UHRF2: variants seen among roughly 807,000 people sequenced by gnomAD.
UHRF2 encodes E3 ubiquitin-protein ligase UHRF2.
A neutral mutation model predicts 96.8 loss-of-function variants in UHRF2; 23 were observed. The ratio of observed to expected loss-of-function variants is 0.24; its 90% CI spans 0.17 to 0.34. UHRF2 has a LOEUF of 0.34. Ranked by LOEUF, UHRF2 falls within the 10% of genes least tolerant of loss-of-function variation. The probability of loss-of-function intolerance (pLI) is 1.00; values close to 1 mark genes in which losing one functional copy is unlikely to be tolerated. For missense variants in UHRF2, 685 were observed against 981.5 expected (o/e 0.70, Z 4.04); for synonymous variants, 385 against 332.6 (o/e 1.16, Z -1.72).
At chr9:6,421,198 G>A (rs774490814) in intron 2 of UHRF2, 56 bp downstream of exon 2, 51 of 1,321,876 alleles carry the variant, frequency 3.9e-5, no homozygotes, top group African/African-American at 7.4e-5. Context: ...TTTATTTTCT[G>A]TTCAGGATGT....
chr9:6,495,491 G>GCC (rs767390545), intron 10 of UHRF2: 1 of 152,200 alleles, frequency 6.6e-6, no homozygotes, highest in Non-Finnish European at 1.5e-5. Flanking sequence ...TATACTCTTT[G>GCC]CCCAGTAGTG....
intron 1 of UHRF2, among the ~76,000 whole-genome samples, chr9:6,417,010 T>A (rs1819646805): frequency 6.6e-6 from 1 of 152,058 alleles, no homozygotes; most frequent in African/African-American, 2.4e-5. Flanking sequence ...ACTTGCCTAT[T>A]TAAAGGAATA....
intron 2 of UHRF2, chr9:6,422,616 T>C: frequency 1.6e-6 from 1 of 630,802 alleles, no homozygotes; most frequent in Non-Finnish European, 2.9e-6. Context: ...AACTTAGATC[T>C]TTTCTTTTTT....
chr9:6,453,250 G>A (rs1821975698), intron 3 of UHRF2, among the ~76,000 whole-genome samples: 1 of 152,110 alleles, frequency 6.6e-6, no homozygotes, highest in Admixed American at 6.6e-5. Flanking sequence ...ACTTTGTTGA[G>A]GTTCTCTACT....
chr9:6,442,593 C>T (rs1821239664), intron 3 of UHRF2, among the ~76,000 whole-genome samples: 1 of 152,082 alleles, frequency 6.6e-6, no homozygotes, highest in African/African-American at 2.4e-5. Flanking sequence ...ATCCTCCTGC[C>T]TCCGCCTCTC....
intron 3 of UHRF2, among the ~76,000 whole-genome samples, chr9:6,457,912 G>A (rs577749707): frequency 3.9e-5 from 6 of 152,258 alleles, no homozygotes; most frequent in South Asian, 4.1e-4. Context: ...CGGTTTGCCC[G>A]TATTTTATTG....
intron 3 of UHRF2, among the ~76,000 whole-genome samples, chr9:6,450,027 A>G (rs920222538): frequency 5.9e-5 from 9 of 152,178 alleles, no homozygotes; most frequent in African/African-American, 1.9e-4. Context: ...TAACTCAGCC[A>G]TGGGTATAGC....
intron 3 of UHRF2, among the ~76,000 whole-genome samples, chr9:6,451,706 C>T (rs533500842): frequency 1.3e-5 from 2 of 152,166 alleles, no homozygotes; most frequent in African/African-American, 4.8e-5. Context: ...CTCCTGACCT[C>T]GTGATCCGCC....
chr9:6,478,902 T>G (rs1197973507), intron 6 of UHRF2, among the ~76,000 whole-genome samples: 2 of 152,210 alleles, frequency 1.3e-5, no homozygotes, highest in African/African-American at 4.8e-5. Context: ...CTAATAACTA[T>G]TTCCTCTGAC....
intron 4 of UHRF2, 131 bp downstream of exon 4, chr9:6,460,922 A>G (rs2130847788): frequency 1.5e-6 from 1 of 661,354 alleles, no homozygotes; most frequent in Non-Finnish European, 2.3e-6. Context: ...ATACTGAAGG[A>G]GAATATTTTT....
At chr9:6,461,523 A>T (rs1230894867) in intron 4 of UHRF2, among the ~76,000 whole-genome samples, 2 of 151,048 alleles carry the variant, frequency 1.3e-5, no homozygotes, top group African/African-American at 4.9e-5. Context: ...CAGGCGTATG[A>T]CACCACGCCC....
chr9:6,502,379 C>CT (rs1816340111), intron 14 of UHRF2, among the ~76,000 whole-genome samples: 1 of 152,166 alleles, frequency 6.6e-6, no homozygotes, highest in Non-Finnish European at 1.5e-5. Context: ...CTTTCATATC[C>CT]TTTAAGTCTG....
intron 7 of UHRF2, 96 bp downstream of exon 7, chr9:6,481,862 T>A: frequency 6.5e-7 from 1 of 1,536,384 alleles, no homozygotes; most frequent in Non-Finnish European, 8.8e-7. Flanking sequence ...TTAAACAGTA[T>A]CATTATTTGT....
rs191081432 is a variant in UHRF2, at chr9:6,444,945, A to G, written c.644+10772A>G. Among the ~76,000 whole-genome samples the G allele has an allele frequency of 9.5e-4, 145 of 152,112 alleles. 1 individual carries two copies. The highest frequency in any genetic ancestry group is 4.1e-4 in the Non-Finnish European group (28 of 68,002). On this transcript the variant is annotated intron_variant, in intron 3 of 15. Coordinates refer to ENST00000276893, the MANE Select transcript of UHRF2 (RefSeq NM_152896.3). ...AGAGGTACCACGCTGGCCATTAAGT[A>G]TACGGAGCAGTGGTTCTGTCACAGG...
intron 14 of UHRF2, 60 bp downstream of exon 14, chr9:6,500,769 C>G: frequency 1.4e-6 from 2 of 1,477,758 alleles, no homozygotes; most frequent in Non-Finnish European, 1.8e-6. Flanking sequence ...AAATAATTGT[C>G]TCATGAAGTC....
At chr9:6,480,029 T>TA (rs1021784910) in intron 6 of UHRF2, among the ~76,000 whole-genome samples, 12 of 152,142 alleles carry the variant, frequency 7.9e-5, no homozygotes, top group Non-Finnish European at 1.6e-4. Flanking sequence ...TCACTTAGAA[T>TA]AAAAAAAATC....
chr9:6,493,514 A>G (rs529226207), intron 9 of UHRF2, among the ~76,000 whole-genome samples: 109 of 152,332 alleles, frequency 7.2e-4, no homozygotes, highest in Non-Finnish European at 1.3e-3. Flanking sequence ...ATAAAATATA[A>G]TATTTAAATC....
At chr9:6,429,476 G>A (rs1180941583) in intron 2 of UHRF2, among the ~76,000 whole-genome samples, 3 of 151,946 alleles carry the variant, frequency 2.0e-5, no homozygotes, top group Non-Finnish European at 4.4e-5. Context: ...GTATAGTGGC[G>A]GGATCCACGC....
chr9:6,491,040 C>T (rs1187143613), intron 9 of UHRF2, among the ~76,000 whole-genome samples: 2 of 152,212 alleles, frequency 1.3e-5, no homozygotes, highest in Admixed American at 6.5e-5. Flanking sequence ...ATGTAATACT[C>T]TTGCGTACCT....
Sources: allele counts gnomAD v4.1 joint callset (sites outside exome capture counted in the v4.1 genomes callset), GRCh38; gene constraint gnomAD v4.1.1; transcripts MANE v1.5; gene names NCBI Gene and HGNC (gene_info 2026-07-23, HGNC 2026-07-21).